Variants in PARP12 observed in about 807,000 individuals in gnomAD.
PARP12 encodes poly(ADP-ribose) polymerase family member 12.
In PARP12, 59 loss-of-function variants were observed where a neutral mutation model predicts 72.4. The observed-to-expected ratio is 0.81, with a 90% CI of 0.66 to 1.01. The LOEUF is 1.01. Ranked by LOEUF, PARP12 falls within the 50% of genes least tolerant of loss-of-function variation. PARP12 has a pLI of 0.00. For missense variants in PARP12, 851 were observed against 914.0 expected (o/e 0.93, Z 0.89); for synonymous variants, 403 against 371.4 (o/e 1.09, Z -0.98).
intron 4 of PARP12, among the ~76,000 whole-genome samples, chr7:140,052,662 C>A (rs1015777953): frequency 4.0e-5 from 6 of 151,484 alleles, no homozygotes; most frequent in Non-Finnish European, 7.4e-5. Flanking sequence ...TATTTTGGTG[C>A]AAAACTTTTG....
intron 5 of PARP12, among the ~76,000 whole-genome samples, chr7:140,046,008 G>C (rs1585101993): frequency 6.6e-6 from 1 of 152,310 alleles, no homozygotes; most frequent in East Asian, 1.9e-4. Context: ...GGCACTGACT[G>C]GAAGGAGATG....
At chr7:140,036,261 A>T (rs748120277) in intron 7 of PARP12, among the ~76,000 whole-genome samples, 3 of 152,322 alleles carry the variant, frequency 2.0e-5, no homozygotes, top group Admixed American at 6.5e-5. Context: ...TATTTTCCAG[A>T]TATTTAAAAG....
intron 3 of PARP12, 83 bp from the exon 4 acceptor site, chr7:140,054,846 C>T: frequency 8.1e-7 from 1 of 1,238,138 alleles, no homozygotes; most frequent in Admixed American, 1.9e-5. Flanking sequence ...CAGTTCTCTG[C>T]ACAAAAGTGG....
intron 4 of PARP12, among the ~76,000 whole-genome samples, chr7:140,054,132 TAC>T (rs1324213456): frequency 2.0e-5 from 3 of 152,218 alleles, no homozygotes; most frequent in African/African-American, 7.2e-5. Context: ...TTAGTGAAAA[TAC>T]AGACAGGCAC....
intron 3 of PARP12, 92 bp downstream of exon 3, chr7:140,056,764 C>T (rs1585115036): frequency 7.5e-7 from 1 of 1,332,538 alleles, no homozygotes; most frequent in Non-Finnish European, 1.0e-6. Context: ...CAAAGTCACA[C>T]ATTCCATGTA....
intron 5 of PARP12, among the ~76,000 whole-genome samples, chr7:140,045,029 CTTT>C (rs71520068): frequency 1.4e-5 from 2 of 141,746 alleles, no homozygotes; most frequent in Non-Finnish European, 1.6e-5. Context: ...GCATCTTTTT[CTTT>C]TTTTTTTTTT....
In PARP12 at chr7:140,054,768, A is replaced by G; in HGVS notation, c.761-5T>C. The G allele has an allele frequency of 6.3e-7, 1 of 1,599,938 alleles. No individual in the cohort carries two copies. The highest frequency in any genetic ancestry group is 8.6e-7 in the Non-Finnish European group (1 of 1,166,930). On this transcript the variant is annotated splice_region_variant and splice_polypyrimidine_tract_variant and intron_variant, in intron 3 of 11. Transcript: ENST00000263549. ...AACCTGAACTGTCTTTTCTTTCTGC[A>G]AAGAAACACCACAAAGATATGTCAG...
intron 8 of PARP12, 39 bp downstream of exon 8, chr7:140,034,195 TG>T: frequency 6.2e-7 from 1 of 1,600,592 alleles, no homozygotes; most frequent in Non-Finnish European, 8.5e-7. Context: ...ACACCCCAGC[TG>T]ATTACATCCT....
intron 4 of PARP12, among the ~76,000 whole-genome samples, chr7:140,052,732 T>TTGTGTGTG (rs9340762): frequency 0.014 from 1,979 of 145,768 alleles, 20 homozygotes; most frequent in African/African-American, 0.038. Flanking sequence ...AAGACCCCTT[T>TTGTGTGTG]TGTGTGTGTG....
rs759163145 is a variant in PARP12 at position 140,057,897 on chromosome 7, A to G, written c.462+2T>C. 6.2e-7 allele frequency: 1 copy of G among 1,614,112 alleles called. No individual in the cohort carries two copies. The highest frequency in any genetic ancestry group is 8.5e-7 in the Non-Finnish European group (1 of 1,180,020). On this transcript the variant is annotated splice_donor_variant, in intron 2 of 11. Transcript: ENST00000263549. LOFTEE classifies it high-confidence loss of function. ...GGAACCCAGACTTCCCCTGGCACTC[A>G]CTTCTGGCAAAAGCCAGGGGTCGTT...
At chr7:140,042,045 G>C (rs944131276) in intron 5 of PARP12, among the ~76,000 whole-genome samples, 4 of 152,302 alleles carry the variant, frequency 2.6e-5, no homozygotes, top group Non-Finnish European at 4.4e-5. Flanking sequence ...TGGGAGACTA[G>C]TTATGACGAA....
intron 3 of PARP12, among the ~76,000 whole-genome samples, chr7:140,055,315 TAA>T (rs1817135734): frequency 6.6e-6 from 1 of 152,160 alleles, no homozygotes. Flanking sequence ...ACAAGAGTAA[TAA>T]AAAGAAAGTC....
intron 7 of PARP12, among the ~76,000 whole-genome samples, chr7:140,035,796 CA>C (rs1816124877): frequency 6.6e-6 from 1 of 150,570 alleles, no homozygotes; most frequent in African/African-American, 2.5e-5. Flanking sequence ...GAAGCCAATT[CA>C]TCTCAAGCTT....
chr7:140,056,679 C>T (rs540752161), intron 3 of PARP12, among the ~76,000 whole-genome samples, 177 bp downstream of exon 3: 1 of 152,308 alleles, frequency 6.6e-6, no homozygotes, highest in Non-Finnish European at 1.5e-5. Context: ...TCAACTTATC[C>T]TCACCCCCGC....
At chr7:140,045,270 C>A (rs1332353113) in intron 5 of PARP12, among the ~76,000 whole-genome samples, 1 of 152,104 alleles carries the variant, frequency 6.6e-6, no homozygotes, top group Non-Finnish European at 1.5e-5. Flanking sequence ...CAGCCTCTAG[C>A]AATCCTCCCA....
chr7:140,024,973 A>G, intron 11 of PARP12, 88 bp from the exon 12 acceptor site: 1 of 1,226,974 alleles, frequency 8.2e-7, no homozygotes, highest in African/African-American at 1.5e-5. Context: ...GGTGATGTGC[A>G]ACGCCAGGGC....
Position 140,024,474 on chromosome 7 carries a change from A to G in PARP12, c.*86T>C, listed in dbSNP as rs117612588. 0.023 allele frequency: 29,932 copies of G among 1,326,488 alleles called. 398 individuals carry two copies. The highest frequency in any genetic ancestry group is 0.026 in the Non-Finnish European group (24,578 of 937,274). 82.2% of individuals were successfully genotyped at this position (1,326,488 alleles called of 1,614,324 possible). On this transcript the variant is annotated 3_prime_UTR_variant, in exon 12 of 12. Coordinates refer to ENST00000263549, the MANE Select transcript of PARP12 (RefSeq NM_022750.4). The stretch of plus-strand genomic sequence containing the variant: ...TCAATGTTAAGAGAACAGTTCATTA[A>G]AAGTTTCTGTTTAAAAAGAAAAGGA...
chr7:140,057,993 T>C lies in PARP12; in HGVS notation c.368A>G (p.Asn123Ser). 6.2e-7 allele frequency: 1 copy of C among 1,614,086 alleles called. No homozygotes were observed. The highest frequency in any genetic ancestry group is 8.5e-7 in the Non-Finnish European group (1 of 1,179,994). ...RNSHSLTTEHNLSVLRTHGVD... is the reference protein window; with the variant it reads ...RNSHSLTTEHSLSVLRTHGVD... The stretch of plus-strand genomic sequence containing the variant: ...GCCATGAGTTCTCAGCACACTCAGG[T>C]TGTGTTCGGTTGTCAAGCTGTGACT... The change falls in exon 2 of 12, where the codon AAC (asparagine) becomes AGC (serine). Residue 123 changes from asparagine (N) to serine (S), a missense_variant. Physicochemically the swap from Asn to Ser is conservative, Grantham distance 46. Transcript: ENST00000263549.
chr7:140,040,735 T>G (rs1053380944), intron 6 of PARP12, among the ~76,000 whole-genome samples: 7 of 152,232 alleles, frequency 4.6e-5, no homozygotes, highest in Non-Finnish European at 5.9e-5. Context: ...ATTTTCATTT[T>G]GGAGGGTGAG....
Sources: gnomAD v4.1 joint callset for allele counts (sites outside exome capture counted in the v4.1 genomes callset) on GRCh38, gnomAD v4.1.1 for gene constraint, MANE v1.5 for transcripts, NCBI Gene and HGNC (gene_info 2026-07-23, HGNC 2026-07-21) for gene names.